Variants in KIFAP3 observed in about 807,000 individuals in gnomAD.
The protein encoded by KIFAP3 is kinesin associated protein 3.
A neutral mutation model predicts 106.5 loss-of-function variants in KIFAP3; 68 were observed. The observed-to-expected ratio is 0.64, with a 90% CI of 0.53 to 0.78. The LOEUF is 0.78. Ranked by LOEUF, KIFAP3 falls within the 30% of genes least tolerant of loss-of-function variation. The probability of loss-of-function intolerance (pLI) is 0.00; values close to 1 mark genes in which losing one functional copy is unlikely to be tolerated. For synonymous variants in KIFAP3, 320 were observed against 311.5 expected (o/e 1.03, Z -0.29); for missense variants, 780 against 941.8 (o/e 0.83, Z 2.25).
intron 1 of KIFAP3, among the ~76,000 whole-genome samples, chr1:170,070,573 C>T (rs1671656765): frequency 1.3e-5 from 2 of 152,172 alleles, no homozygotes; most frequent in Middle Eastern, 3.4e-3. Flanking sequence ...TCTTTTCTGA[C>T]ATTTGTTCTG....
chr1:170,025,679 T>C (rs953035117), intron 8 of KIFAP3, among the ~76,000 whole-genome samples: 7 of 152,058 alleles, frequency 4.6e-5, no homozygotes, highest in African/African-American at 1.7e-4. Flanking sequence ...TCAAAGAAAT[T>C]AAACAACTTT....
chr1:169,921,472 T>G lies in KIFAP3; in HGVS notation c.*204A>C. 1 of 433,498 alleles carries G rather than the reference T, an allele frequency of 2.3e-6. No homozygotes were observed. The allele number at this position is 433,498 out of a possible 1,614,324, so 26.9% of individuals were successfully genotyped here. The stretch of plus-strand genomic sequence containing the variant: ...TGTTACTTAGCATCAAGATGTGGTT[T>G]GATGAGTGAACAATGTCAGTATCAA... On this transcript the variant is annotated 3_prime_UTR_variant, in exon 20 of 20. Transcript: ENST00000361580.
intron 11 of KIFAP3, among the ~76,000 whole-genome samples, chr1:169,990,853 T>A (rs867811942): frequency 5.3e-5 from 8 of 152,190 alleles, no homozygotes; most frequent in Middle Eastern, 3.4e-3. Context: ...AGCAGTTGTA[T>A]AAAAATGAAA....
chr1:170,042,045 T>C (rs1331818202), intron 3 of KIFAP3: 2 of 170,362 alleles, frequency 1.2e-5, no homozygotes, highest in Non-Finnish European at 1.2e-5. Flanking sequence ...AGAAGTTCAA[T>C]GTGCCTAACG....
At chr1:170,016,413 G>T in intron 10 of KIFAP3, 49 bp downstream of exon 10, 1 of 1,471,126 alleles carries the variant, frequency 6.8e-7, no homozygotes, top group Non-Finnish European at 9.3e-7. Context: ...ATTTTCCAGC[G>T]ATGTTGGAAA....
intron 5 of KIFAP3, among the ~76,000 whole-genome samples, chr1:170,036,074 A>C (rs1002202202): frequency 7.2e-5 from 11 of 152,100 alleles, no homozygotes; most frequent in African/African-American, 2.7e-4. Context: ...TATCACACTG[A>C]ATTTATGCTA....
intron 19 of KIFAP3, among the ~76,000 whole-genome samples, chr1:169,940,389 TAC>T (rs1261676930): frequency 6.6e-6 from 1 of 152,220 alleles, no homozygotes; most frequent in Non-Finnish European, 1.5e-5. Context: ...TCTCATATTG[TAC>T]ATAGATCTGA....
At chr1:170,083,610 GTATT>G (rs1388321992) in intron 1 of KIFAP3, among the ~76,000 whole-genome samples, 2 of 152,182 alleles carry the variant, frequency 1.3e-5, no homozygotes, top group Non-Finnish European at 2.9e-5. Flanking sequence ...TTGTACCAGT[GTATT>G]TATCACATTA....
At chr1:169,971,538 C>A (rs1287806713) in intron 17 of KIFAP3, among the ~76,000 whole-genome samples, 1 of 151,882 alleles carries the variant, frequency 6.6e-6, no homozygotes, top group Non-Finnish European at 1.5e-5. Flanking sequence ...GATACTTAGT[C>A]AAATCCAAAA....
chr1:170,020,416 C>A (rs943345499), intron 9 of KIFAP3, among the ~76,000 whole-genome samples: 1 of 152,060 alleles, frequency 6.6e-6, no homozygotes, highest in East Asian at 1.9e-4. Flanking sequence ...GGAACAGAAA[C>A]CAGAGTCTAG....
intron 10 of KIFAP3, among the ~76,000 whole-genome samples, chr1:170,002,725 T>A (rs953033933): frequency 6.6e-5 from 10 of 152,208 alleles, no homozygotes; most frequent in African/African-American, 2.4e-4. Context: ...TTAACTTTTT[T>A]AGTTAATTTG....
intron 19 of KIFAP3, among the ~76,000 whole-genome samples, chr1:169,947,392 C>A (rs593406): frequency 0.94 from 142,095 of 151,930 alleles, 66,542 homozygotes; most frequent in East Asian, 0.99. Flanking sequence ...GGTTCTACTG[C>A]GTATGTTTAA....
At chr1:170,058,499 T>C (rs1290548320) in intron 1 of KIFAP3, among the ~76,000 whole-genome samples, 2 of 152,122 alleles carry the variant, frequency 1.3e-5, no homozygotes, top group Admixed American at 6.6e-5. Flanking sequence ...AGCATATGAA[T>C]TCATTTCCAC....
At chr1:170,046,210 C>CCAAAAAAAAA (rs1670241480) in intron 3 of KIFAP3, among the ~76,000 whole-genome samples, 1 of 56,928 alleles carries the variant, frequency 1.8e-5, no homozygotes, top group African/African-American at 6.8e-5. Context: ...TTCTCTGCTG[C>CCAAAAAAAAA]AAAAAAAAAA....
chr1:170,069,741 C>T (rs893611365), intron 1 of KIFAP3, among the ~76,000 whole-genome samples: 2 of 151,880 alleles, frequency 1.3e-5, no homozygotes, highest in African/African-American at 2.4e-5. Context: ...AGCTTTCCCC[C>T]TAAGATCAGG....
chr1:169,942,297 A>G (rs894690716), intron 19 of KIFAP3, among the ~76,000 whole-genome samples: 9 of 152,246 alleles, frequency 5.9e-5, no homozygotes, highest in African/African-American at 2.2e-4. Flanking sequence ...TGGTCTTTAA[A>G]AAGGATTAAA....
chr1:170,035,411 T>C (rs370663528), intron 6 of KIFAP3, 43 bp downstream of exon 6: 80 of 1,222,202 alleles, frequency 6.5e-5, no homozygotes, highest in Non-Finnish European at 7.1e-5. Flanking sequence ...CAAAGAGCAA[T>C]AGAGATACAG....
In KIFAP3 at chr1:170,046,751, A is replaced by G. The variant is rs1363186170; in HGVS notation, c.280T>C (p.Tyr94His). ...GAATCACGGCGGTTCTGTAGATAGT[A>G]CAACAGCTGTTCTACCTCATTTAGT... ...SKLNEVEQLL[Y>H]YLQNRRDSLS... Residue 94 changes from tyrosine (Y) to histidine (H), a missense_variant, in exon 3 of 20, where the codon TAC (tyrosine) becomes CAC (histidine). This residue lies in a region of KIFAP3 where 588 missense variants were observed against 678.9 expected (regional missense o/e 0.87). Transcript: ENST00000361580. 2 of 1,604,918 alleles carry G rather than the reference A, an allele frequency of 1.2e-6. No homozygotes were observed. Among genetic ancestry groups the G allele is most frequent in the Admixed American group, 1.7e-5 (1 of 58,878 alleles).
At chr1:169,948,834 T>A (rs1222781814) in intron 19 of KIFAP3, among the ~76,000 whole-genome samples, 3 of 152,022 alleles carry the variant, frequency 2.0e-5, no homozygotes, top group Non-Finnish European at 4.4e-5. Flanking sequence ...AACAAACTCA[T>A]AATATACAGT....
Sources: gnomAD v4.1 joint callset for allele counts (sites outside exome capture counted in the v4.1 genomes callset) on GRCh38, gnomAD v4.1.1 for gene constraint, gnomAD v4.1.1 regional missense constraint, MANE v1.5 for transcripts, NCBI Gene and HGNC (gene_info 2026-07-23, HGNC 2026-07-21) for gene names.